The following PDE4D variants were observed in gnomAD, a reference collection of about 807,000 sequenced individuals.
PDE4D encodes the protein phosphodiesterase 4D.
Under a neutral mutation model 87.4 loss-of-function variants are expected in PDE4D, and 24 were observed. The ratio of observed to expected loss-of-function variants is 0.27; its 90% CI spans 0.20 to 0.39. The LOEUF is 0.39. Among genes scored for constraint, PDE4D ranks in the 10% least tolerant of loss-of-function variants. The probability of loss-of-function intolerance (pLI) is 1.00; values close to 1 mark genes in which losing one functional copy is unlikely to be tolerated. For synonymous variants in PDE4D, 384 were observed against 383.2 expected (o/e 1.00, Z -0.02); for missense variants, 714 against 1,041.0 (o/e 0.69, Z 4.32).
At chr5:60,304,992 T>A (rs73104798) in intron 1 of PDE4D, among the ~76,000 whole-genome samples, 13,264 of 150,024 alleles carry the variant, frequency 0.088, 1,923 homozygotes, top group African/African-American at 0.31. Flanking sequence ...AATTGAGTAA[T>A]ATATATATAT....
intron 1 of PDE4D, among the ~76,000 whole-genome samples, chr5:59,472,489 G>A (rs539502903): frequency 3.9e-5 from 6 of 152,150 alleles, no homozygotes; most frequent in Non-Finnish European, 7.3e-5. Flanking sequence ...AACTTGCCTG[G>A]CAAGTAGCTT....
At chr5:59,013,190 G>A (rs1753200628) in intron 6 of PDE4D, among the ~76,000 whole-genome samples, 1 of 152,144 alleles carries the variant, frequency 6.6e-6, no homozygotes, top group Admixed American at 6.5e-5. Context: ...GCCCACAAGA[G>A]AAAGCAGGAA....
intron 3 of PDE4D, among the ~76,000 whole-genome samples, chr5:59,918,825 A>G (rs1409474886): frequency 6.6e-6 from 1 of 152,162 alleles, no homozygotes; most frequent in African/African-American, 2.4e-5. Context: ...GTGCCTCCAG[A>G]TGAAAACTGA....
At chr5:60,042,994 G>T (rs1768700417) in intron 2 of PDE4D, among the ~76,000 whole-genome samples, 1 of 151,824 alleles carries the variant, frequency 6.6e-6, no homozygotes, top group Non-Finnish European at 1.5e-5. Flanking sequence ...ACAACAAATG[G>T]CTCCGAGCTA....
At chr5:60,518,816 C>T (rs1750915964) in intron 1 of PDE4D, among the ~76,000 whole-genome samples, 1 of 152,172 alleles carries the variant, frequency 6.6e-6, no homozygotes. Context: ...CATCAGATGA[C>T]TAAATTTCAC....
chr5:59,108,543 G>C (rs1045441368), intron 5 of PDE4D, among the ~76,000 whole-genome samples: 1 of 152,112 alleles, frequency 6.6e-6, no homozygotes, highest in African/African-American at 2.4e-5. Flanking sequence ...GCTGAACATA[G>C]GGTGATATCT....
At chr5:59,031,392 T>TATATATATATTATATA (rs1431074293) in intron 6 of PDE4D, among the ~76,000 whole-genome samples, 1 of 34,284 alleles carries the variant, frequency 2.9e-5, no homozygotes, top group African/African-American at 1.6e-4. Flanking sequence ...TATATATATA[T>TATATATATATTATATA]TATATATATA....
intron 3 of PDE4D, among the ~76,000 whole-genome samples, chr5:59,964,957 T>C (rs1759863921): frequency 6.6e-6 from 1 of 152,152 alleles, no homozygotes; most frequent in Non-Finnish European, 1.5e-5. Flanking sequence ...CCATGCTCTA[T>C]TTTGCTTCAA....
chr5:60,506,510 T>C (rs1283577625), intron 1 of PDE4D, among the ~76,000 whole-genome samples: 1 of 152,134 alleles, frequency 6.6e-6, no homozygotes, highest in East Asian at 1.9e-4. Flanking sequence ...GTGGTAAATA[T>C]TTGAAAAACT....
At chr5:60,049,474 G>GT (rs1317938267) in intron 2 of PDE4D, among the ~76,000 whole-genome samples, 2 of 152,166 alleles carry the variant, frequency 1.3e-5, no homozygotes, top group Admixed American at 1.3e-4. Flanking sequence ...TTTCTGCTCT[G>GT]TTTTTTCCCC....
chr5:60,358,592 T>C (rs1759810383), intron 1 of PDE4D, among the ~76,000 whole-genome samples: 1 of 152,088 alleles, frequency 6.6e-6, no homozygotes, highest in Non-Finnish European at 1.5e-5. Flanking sequence ...CAGCCATCTT[T>C]CCCAACCCAT....
At chr5:59,000,597 G>A (rs969614740) in intron 6 of PDE4D, among the ~76,000 whole-genome samples, 3 of 152,176 alleles carry the variant, frequency 2.0e-5, no homozygotes, top group Non-Finnish European at 2.9e-5. Context: ...ATTCTGGGGG[G>A]AGGGAAATGT....
At chr5:59,936,108 A>C (rs1043911815) in intron 3 of PDE4D, among the ~76,000 whole-genome samples, 1 of 152,124 alleles carries the variant, frequency 6.6e-6, no homozygotes, top group African/African-American at 2.4e-5. Flanking sequence ...AACTATCGCA[A>C]GGACAAAAAA....
intron 3 of PDE4D, among the ~76,000 whole-genome samples, chr5:59,970,769 CTAG>C (rs1760640920): frequency 6.8e-6 from 1 of 147,560 alleles, no homozygotes. Context: ...GGACTGTAAA[CTAG>C]TTCAACCATT....
chr5:59,594,754 A>G (rs907858990), intron 1 of PDE4D, among the ~76,000 whole-genome samples: 2 of 152,346 alleles, frequency 1.3e-5, no homozygotes, highest in African/African-American at 4.8e-5. Flanking sequence ...CATCAGAACT[A>G]GACATGCCAG....
chr5:59,155,410 C>G (rs1332509089), intron 5 of PDE4D, among the ~76,000 whole-genome samples: 1 of 152,042 alleles, frequency 6.6e-6, no homozygotes, highest in East Asian at 1.9e-4. Context: ...AAGAAGAAGC[C>G]TCTAAGAACT....
At chr5:59,354,954 T>C (rs35277) in intron 1 of PDE4D, among the ~76,000 whole-genome samples, 54,124 of 152,034 alleles carry the variant, frequency 0.36, 10,829 homozygotes, top group South Asian at 0.46. Context: ...CTGTGGGAAA[T>C]TGTATATTCA....
intron 1 of PDE4D, among the ~76,000 whole-genome samples, chr5:59,627,567 T>C (rs1299898555): frequency 6.6e-6 from 1 of 152,208 alleles, no homozygotes; most frequent in Non-Finnish European, 1.5e-5. Context: ...AAGCCAGTGA[T>C]ATCAATGAAT....
intron 1 of PDE4D, among the ~76,000 whole-genome samples, chr5:60,258,245 CTGCAGGAAATAGCATGTTTTATGGA>C (rs1461009471): frequency 6.6e-6 from 1 of 151,878 alleles, no homozygotes; most frequent in African/African-American, 2.4e-5. Context: ...TATACAGTCC[CTGCAGGAAATAGCATGTTTTATGGA>C]ATGAAGCATT....
Sources: allele counts gnomAD v4.1 joint callset (sites outside exome capture counted in the v4.1 genomes callset), GRCh38; gene constraint gnomAD v4.1.1; transcripts MANE v1.5; gene names NCBI Gene and HGNC (gene_info 2026-07-23, HGNC 2026-07-21).